Variants in LRP1B observed in about 807,000 individuals in gnomAD.
LRP1B encodes LDL receptor related protein 1B, also known as low-density lipoprotein receptor-related protein 1B.
In LRP1B, 217 loss-of-function variants were observed where a neutral mutation model predicts 556.6. That is an observed-to-expected ratio of 0.39 (90% confidence interval 0.35 to 0.44). LRP1B has a LOEUF of 0.44. Among genes scored for constraint, LRP1B ranks in the 20% least tolerant of loss-of-function variants. The probability of loss-of-function intolerance (pLI) is 1.00; values close to 1 mark genes in which losing one functional copy is unlikely to be tolerated. For synonymous variants in LRP1B, 2,047 were observed against 1,865.8 expected (o/e 1.10, Z -2.50); for missense variants, 5,053 against 5,620.8 (o/e 0.90, Z 3.23).
intron 1 of LRP1B, among the ~76,000 whole-genome samples, chr2:141,938,197 C>A (rs906523082): frequency 6.6e-6 from 1 of 152,000 alleles, no homozygotes; most frequent in Non-Finnish European, 1.5e-5. Flanking sequence ...TATTTGCAAA[C>A]CATATATCTA....
chr2:141,224,779 G>A (rs1683179459), intron 6 of LRP1B, among the ~76,000 whole-genome samples: 1 of 149,480 alleles, frequency 6.7e-6, no homozygotes, highest in Non-Finnish European at 1.5e-5. Flanking sequence ...AGAACACATG[G>A]ATACAAGGAG....
intron 15 of LRP1B, among the ~76,000 whole-genome samples, chr2:140,995,795 C>A (rs1358274814): frequency 1.3e-5 from 2 of 152,004 alleles, no homozygotes; most frequent in Non-Finnish European, 2.9e-5. Context: ...TTTTTCTCTG[C>A]ATGTTCCAGG....
intron 3 of LRP1B, among the ~76,000 whole-genome samples, chr2:141,425,964 C>T (rs1680346834): frequency 6.7e-6 from 1 of 150,054 alleles, no homozygotes; most frequent in Non-Finnish European, 1.5e-5. Context: ...GTTGCCATTG[C>T]TTTTGGTGTT....
intron 6 of LRP1B, among the ~76,000 whole-genome samples, chr2:141,220,472 A>C (rs1424325650): frequency 6.6e-6 from 1 of 152,156 alleles, no homozygotes; most frequent in Admixed American, 6.5e-5. Flanking sequence ...GACAGGGAGA[A>C]TGGAACTAAG....
intron 2 of LRP1B, among the ~76,000 whole-genome samples, chr2:141,590,408 T>C (rs1413572902): frequency 6.6e-6 from 1 of 152,128 alleles, no homozygotes; most frequent in Non-Finnish European, 1.5e-5. Context: ...AATTTATACA[T>C]ATAAAAATAC....
intron 41 of LRP1B, among the ~76,000 whole-genome samples, chr2:140,676,403 G>A (rs1041217998): frequency 1.3e-5 from 2 of 152,128 alleles, no homozygotes; most frequent in Non-Finnish European, 1.5e-5. Context: ...AAATTTGACT[G>A]TTGATTCATA....
Position 141,234,637 on chromosome 2 carries a change from C to T in LRP1B, c.593-5197G>A, listed in dbSNP as rs946047631. ...GGTGATCTGCCCGCCTCGGCCTCCT[C>T]AAGTGCTGGGATTACAGGCATGAGC... On this transcript the variant is annotated intron_variant, in intron 5 of 90. Coordinates refer to ENST00000389484, the MANE Select transcript of LRP1B (RefSeq NM_018557.3). Among the ~76,000 whole-genome samples, 11 of 152,062 alleles carry T rather than the reference C, an allele frequency of 7.2e-5. No individual in the cohort carries two copies. In the East Asian group the frequency reaches 1.7e-3, roughly 24 times the overall value.
intron 41 of LRP1B, among the ~76,000 whole-genome samples, chr2:140,652,646 A>G (rs1172765249): frequency 6.6e-6 from 1 of 152,058 alleles, no homozygotes; most frequent in Non-Finnish European, 1.5e-5. Flanking sequence ...CAAAGATTAG[A>G]AAAGAAAAAA....
rs2105327552 is a variant in LRP1B at position 141,247,312 on chromosome 2, C to T, written c.506G>A (p.Cys169Tyr). ...AGTGTAGGATCCATGTGTGTTTCTG[C>T]AGGTCTGGCTGCATGTACCATAAAC... ...CAVYGTCSQT[C>Y]RNTHGSYTCS... is the part of the protein sequence containing the mutation. Residue 169 changes from cysteine (C) to tyrosine (Y), a missense_variant, in exon 5 of 91, where the codon TGC becomes TAC. Transcript: ENST00000389484. The T allele has an allele frequency of 6.2e-7, 1 of 1,613,778 alleles. No homozygotes were observed. Among genetic ancestry groups the T allele is most frequent in the Non-Finnish European group, 8.5e-7 (1 of 1,179,764 alleles).
chr2:140,238,101 T>C (rs767720783), intron 89 of LRP1B, 51 bp downstream of exon 89: 4 of 1,488,294 alleles, frequency 2.7e-6, no homozygotes, highest in Admixed American at 4.3e-5. Context: ...AAAACAGAGA[T>C]GCGACTCAAG....
intron 31 of LRP1B, among the ~76,000 whole-genome samples, chr2:140,823,142 T>C (rs1212945453): frequency 1.3e-5 from 2 of 151,908 alleles, no homozygotes; most frequent in Admixed American, 6.6e-5. Flanking sequence ...CTATAAAGGG[T>C]GTTAAGTAGT....
At chr2:140,835,499 T>C (rs535405298) in intron 31 of LRP1B, among the ~76,000 whole-genome samples, 2 of 152,288 alleles carry the variant, frequency 1.3e-5, no homozygotes, top group South Asian at 4.1e-4. Flanking sequence ...CTATATAGTA[T>C]AAAAACTTCA....
chr2:141,518,039 C>T (rs1192886451), intron 2 of LRP1B, among the ~76,000 whole-genome samples: 1 of 151,858 alleles, frequency 6.6e-6, no homozygotes, highest in Non-Finnish European at 1.5e-5. Context: ...GACATTATGA[C>T]ATTTACAAAA....
chr2:140,938,341 A>C, intron 20 of LRP1B, among the ~76,000 whole-genome samples: 1 of 152,094 alleles, frequency 6.6e-6, no homozygotes, highest in East Asian at 1.9e-4. Context: ...AATTATGAAA[A>C]GTAAAAGAGA....
intron 1 of LRP1B, among the ~76,000 whole-genome samples, chr2:141,820,531 A>T (rs1424541700): frequency 2.0e-5 from 3 of 152,200 alleles, no homozygotes; most frequent in African/African-American, 7.2e-5. Context: ...ATCCTGAAAA[A>T]ATCAGCAGAG....
chr2:141,308,074 C>A (rs1686667218), intron 3 of LRP1B, among the ~76,000 whole-genome samples: 1 of 152,132 alleles, frequency 6.6e-6, no homozygotes, highest in African/African-American at 2.4e-5. Context: ...TGTGCCAACA[C>A]TGGTGGAAGA....
intron 66 of LRP1B, among the ~76,000 whole-genome samples, chr2:140,432,432 A>G (rs2105285648): frequency 6.6e-6 from 1 of 152,290 alleles, no homozygotes; most frequent in East Asian, 1.9e-4. Context: ...TAACCAAATA[A>G]TCAGAGTTCT....
chr2:141,153,741 T>G (rs995103524), intron 7 of LRP1B, among the ~76,000 whole-genome samples: 2 of 150,336 alleles, frequency 1.3e-5, no homozygotes, highest in Admixed American at 1.4e-4. Context: ...CTAGGAAATA[T>G]CTTCAAGATG....
At chr2:140,632,954 G>T (rs199905572) in intron 41 of LRP1B, among the ~76,000 whole-genome samples, 2 of 151,730 alleles carry the variant, frequency 1.3e-5, no homozygotes, top group African/African-American at 2.4e-5. Flanking sequence ...TCCCAGCTAC[G>T]TGGGAGGCTG....
Sources: gnomAD v4.1 joint callset for allele counts (sites outside exome capture counted in the v4.1 genomes callset) on GRCh38, gnomAD v4.1.1 for gene constraint, MANE v1.5 for transcripts, NCBI Gene and HGNC (gene_info 2026-07-23, HGNC 2026-07-21) for gene names.